The following CHD7 variants were observed in gnomAD, a reference collection of about 807,000 sequenced individuals.
CHD7 encodes the protein ATP-dependent chromatin remodeler CHD7.
Under a neutral mutation model 307.3 loss-of-function variants are expected in CHD7, and 24 were observed. The observed-to-expected ratio is 0.08, with a 90% CI of 0.06 to 0.11. The LOEUF is 0.11. CHD7 is among the 10% of genes least tolerant of loss of function. The pLI, the probability that CHD7 is intolerant of heterozygous loss-of-function variation, is 1.00. For missense variants in CHD7, 3,106 were observed against 3,727.1 expected, an observed-to-expected ratio of 0.83 and a Z score of 4.34; for synonymous variants, 1,363 against 1,349.9, an observed-to-expected ratio of 1.01 and a Z score of -0.21.
intron 37 of CHD7, chr8:60,864,716 ATTTT>A: frequency 2.9e-6 from 1 of 344,056 alleles, no homozygotes; most frequent in South Asian, 3.6e-5. Context: ...GTCTAACTCT[ATTTT>A]TGTACCCCAT....
chr8:60,701,118 T>G (rs961177557), intron 1 of CHD7, among the ~76,000 whole-genome samples: 1 of 152,246 alleles, frequency 6.6e-6, no homozygotes, highest in Non-Finnish European at 1.5e-5. Flanking sequence ...CTCAGCAGAC[T>G]GTAGGTACAA....
In CHD7 at chr8:60,866,006, A is replaced by G; in HGVS notation, c.*73A>G. 7.5e-7 allele frequency: 1 copy of G among 1,326,068 alleles called. No homozygotes were observed. Among genetic ancestry groups the G allele is most frequent in the Non-Finnish European group, 1.1e-6 (1 of 947,296 alleles). The allele number at this position is 1,326,068 out of a possible 1,614,324, so 82.1% of individuals were successfully genotyped here. ...GTCCTACTGTTTACACTCACAGTTA[A>G]TGTTCATACCTAGTTTTATAAGCTG... On this transcript the variant is annotated 3_prime_UTR_variant, in exon 38 of 38. Coordinates refer to ENST00000423902, the MANE Select transcript of CHD7 (RefSeq NM_017780.4).
intron 1 of CHD7, among the ~76,000 whole-genome samples, chr8:60,702,618 T>G (rs745572966): frequency 2.0e-5 from 3 of 152,272 alleles, no homozygotes; most frequent in Non-Finnish European, 4.4e-5. Flanking sequence ...CTTTTCCCTG[T>G]TACAGCTTTC....
chr8:60,709,648 T>A (rs957478658), intron 1 of CHD7, among the ~76,000 whole-genome samples: 4 of 152,224 alleles, frequency 2.6e-5, no homozygotes, highest in Admixed American at 6.5e-5. Context: ...AAACTGTATT[T>A]GAGGGTAAAA....
At chr8:60,795,176 A>C in intron 4 of CHD7, 49 bp downstream of exon 4, 1 of 1,585,434 alleles carries the variant, frequency 6.3e-7, no homozygotes, top group Non-Finnish European at 8.6e-7. Flanking sequence ...GGCATGGGTA[A>C]CTTTAGCCAT....
chr8:60,797,812 A>G lies in CHD7; in HGVS notation c.2239-2576A>G, dbSNP rs1586345801. ...TGGTGGTCCAGAAGTGAGGAATGGT[A>G]AAGTGGGCATGAGAGCAGGAGTAAG... On this transcript the variant is annotated intron_variant, in intron 4 of 37. Coordinates refer to ENST00000423902, the MANE Select transcript of CHD7 (RefSeq NM_017780.4). 2.6e-5 allele frequency among the ~76,000 whole-genome samples: 4 copies of G among 152,326 alleles called. No individual in the cohort carries two copies. In the South Asian group the frequency reaches 8.3e-4, roughly 32 times the overall value.
chr8:60,829,439 AAAAATAC>A (rs1221846386), intron 14 of CHD7, among the ~76,000 whole-genome samples: 1 of 152,152 alleles, frequency 6.6e-6, no homozygotes, highest in Non-Finnish European at 1.5e-5. Context: ...CTCTACTAAA[AAAAATAC>A]AAAAATTAGC....
chr8:60,831,650 A>C (rs914870001), intron 15 of CHD7, among the ~76,000 whole-genome samples: 3 of 151,864 alleles, frequency 2.0e-5, no homozygotes, highest in Non-Finnish European at 2.9e-5. Flanking sequence ...ACAGACAAGC[A>C]GAAGAACCAG....
chr8:60,813,895 T>C (rs1374390967), intron 7 of CHD7, among the ~76,000 whole-genome samples: 5 of 151,924 alleles, frequency 3.3e-5, no homozygotes, highest in African/African-American at 1.2e-4. Context: ...GATATGCTCT[T>C]TCTTTTTTAA....
At chr8:60,816,995 G>T (rs1803779521) in intron 8 of CHD7, among the ~76,000 whole-genome samples, 1 of 152,172 alleles carries the variant, frequency 6.6e-6, no homozygotes, top group African/African-American at 2.4e-5. Flanking sequence ...TAATATCTTT[G>T]CCTGTGTCCC....
chr8:60,763,780 A>G (rs1047090436), intron 2 of CHD7, among the ~76,000 whole-genome samples: 3 of 151,990 alleles, frequency 2.0e-5, no homozygotes, highest in Non-Finnish European at 2.9e-5. Context: ...AGCTGAGCCC[A>G]CCACTCACTT....
chr8:60,757,628 A>G (rs1029912994), intron 2 of CHD7, among the ~76,000 whole-genome samples: 1 of 152,190 alleles, frequency 6.6e-6, no homozygotes, highest in Non-Finnish European at 1.5e-5. Context: ...AATATTTGGG[A>G]TGAGTGAAAG....
intron 2 of CHD7, among the ~76,000 whole-genome samples, chr8:60,760,261 A>C (rs1810112312): frequency 6.6e-6 from 1 of 152,096 alleles, no homozygotes; most frequent in African/African-American, 2.4e-5. Flanking sequence ...CCTATTTAAT[A>C]AATGGTGCTG....
chr8:60,776,395 G>A (rs1453689237), intron 2 of CHD7, among the ~76,000 whole-genome samples: 2 of 152,028 alleles, frequency 1.3e-5, no homozygotes, highest in Non-Finnish European at 1.5e-5. Context: ...ACTACTATCC[G>A]CTCATCTTGA....
intron 1 of CHD7, among the ~76,000 whole-genome samples, chr8:60,712,458 C>T (rs560966743): frequency 7.9e-4 from 120 of 152,280 alleles, no homozygotes; most frequent in African/African-American, 2.6e-3. Context: ...AAAGTAGACA[C>T]GAGCAGAATC....
At chr8:60,820,617 T>G (rs1487741279) in intron 9 of CHD7, among the ~76,000 whole-genome samples, 1 of 152,230 alleles carries the variant, frequency 6.6e-6, no homozygotes, top group Admixed American at 6.5e-5. Flanking sequence ...GATAGGGAAG[T>G]AAGAATGAAG....
intron 1 of CHD7, among the ~76,000 whole-genome samples, chr8:60,721,261 C>G (rs1162632302): frequency 1.3e-5 from 2 of 152,176 alleles, no homozygotes; most frequent in Non-Finnish European, 2.9e-5. Flanking sequence ...GGATCCTGAT[C>G]TGACAGGACT....
chr8:60,842,401 G>A (rs1303811341), intron 21 of CHD7, among the ~76,000 whole-genome samples: 1 of 152,208 alleles, frequency 6.6e-6, no homozygotes, highest in Admixed American at 6.5e-5. Context: ...ATTTATGACT[G>A]TCGTAAGCTT....
rs768337293 is a variant in CHD7 at position 60,848,581 on chromosome 8, G to A, written c.5277G>A (p.Lys1759=). The A allele has an allele frequency of 3.1e-6, 5 of 1,613,420 alleles. No homozygotes were observed. The African/African-American group carries it at 6.7e-5, about 22-fold the overall frequency. ...RQEVIGDQAD[K]ILEGADSSEA... ...AAGTGATAGGAGACCAGGCGGATAA[G>A]ATCTTAGAGGGTGCTGACTCAAGGT... Residue 1759 remains lysine (K), a synonymous_variant, in exon 24 of 38, where the codon AAG becomes AAA. Coordinates refer to ENST00000423902, the MANE Select transcript of CHD7 (RefSeq NM_017780.4).
Sources: allele counts gnomAD v4.1 joint callset (sites outside exome capture counted in the v4.1 genomes callset), GRCh38; gene constraint gnomAD v4.1.1; transcripts MANE v1.5; gene names NCBI Gene and HGNC (gene_info 2026-07-23, HGNC 2026-07-21).